POLA1: variants seen among roughly 807,000 people sequenced by gnomAD.
The protein encoded by POLA1 is DNA polymerase alpha catalytic subunit.
POLA1 carries 15 observed loss-of-function variants against 124.0 expected under a neutral mutation model. That is an observed-to-expected ratio of 0.12 (90% confidence interval 0.08 to 0.19). POLA1 has a LOEUF of 0.19. POLA1 is among the 10% of genes least tolerant of loss of function. The probability of loss-of-function intolerance (pLI) is 1.00; values close to 1 mark genes in which losing one functional copy is unlikely to be tolerated. For missense variants in POLA1, 886 were observed against 1,103.4 expected (o/e 0.80, Z 2.79); for synonymous variants, 408 against 389.4 (o/e 1.05, Z -0.56).
At chrX:24,978,502 G>A (rs1352944898) in intron 36 of POLA1, among the ~76,000 whole-genome samples, 2 of 111,874 alleles carry the variant, frequency 1.8e-5, no homozygotes, top group South Asian at 3.8e-4. Context: ...GAATAAGTTT[G>A]CCAATAGTAA....
chrX:24,853,797 GTAT>G (rs2046600815), intron 34 of POLA1, among the ~76,000 whole-genome samples: 1 of 111,839 alleles, frequency 8.9e-6, no homozygotes, highest in African/African-American at 3.3e-5. Context: ...AGTAAAGATG[GTAT>G]TATTTGAACA....
intron 12 of POLA1, among the ~76,000 whole-genome samples, chrX:24,725,617 C>G (rs1277571976): frequency 8.9e-6 from 1 of 111,878 alleles, no homozygotes. Flanking sequence ...GCCAGATAGC[C>G]AACACTCAGT....
rs1418275059 is a variant in POLA1 at position 24,934,262 on chromosome X, A to G, written c.4261+3713A>G. ...AACCTTTGTTGTTGTTTATTCAGCA[A>G]CAGTAAAAACAATTTGTTTATATAT... On this transcript the variant is annotated intron_variant, in intron 36 of 36. Coordinates refer to ENST00000379068, the MANE Select transcript of POLA1 (RefSeq NM_001330360.2). Among the ~76,000 whole-genome samples the G allele has an allele frequency of 2.7e-5, 3 of 112,373 alleles. No individual in the cohort carries two copies. In the Admixed American group the frequency reaches 2.8e-4, roughly 11 times the overall value.
chrX:24,872,205 A>T (rs954080835), intron 34 of POLA1, among the ~76,000 whole-genome samples: 1 of 112,071 alleles, frequency 8.9e-6, no homozygotes, highest in African/African-American at 3.2e-5. Flanking sequence ...CCAAGAAACT[A>T]TCACAGACAA....
intron 35 of POLA1, among the ~76,000 whole-genome samples, chrX:24,895,996 C>T (rs1340447733): frequency 1.8e-5 from 2 of 111,884 alleles, no homozygotes; most frequent in East Asian, 2.8e-4. Context: ...AAATTTTCCA[C>T]ACTCCATTGA....
In POLA1 at chrX:24,876,508, G is replaced by GA. The variant is rs1267671605; in HGVS notation, c.4048-11489dup. Among the ~76,000 whole-genome samples the GA allele has an allele frequency of 4.6e-5, 5 of 108,943 alleles. No individual in the cohort carries two copies. In the South Asian group the frequency reaches 1.6e-3, roughly 35 times the overall value. 94.6% of individuals were successfully genotyped at this position (108,943 alleles called of 115,157 possible). ...GGCCTGGGGTGTCCAAAAGAGGCAGGAAAAAAAAATGACTGTAGCTCCCTG... is the reference window on the plus strand; with the variant it reads ...GGCCTGGGGTGTCCAAAAGAGGCAGGAAAAAAAAAATGACTGTAGCTCCCTG... On this transcript the variant is annotated intron_variant, in intron 34 of 36. Transcript: ENST00000379068.
chrX:24,958,086 A>G (rs1356507715), intron 36 of POLA1, among the ~76,000 whole-genome samples: 1 of 111,031 alleles, frequency 9.0e-6, no homozygotes, highest in East Asian at 2.8e-4. Flanking sequence ...TTTCTAATCC[A>G]TTTTTAAGAG....
intron 26 of POLA1, among the ~76,000 whole-genome samples, chrX:24,783,434 G>A (rs1355128007): frequency 8.9e-6 from 1 of 111,906 alleles, no homozygotes; most frequent in Non-Finnish European, 1.9e-5. Flanking sequence ...GTGTAGGTAT[G>A]CTGGTAACCA....
At chrX:24,711,053 G>C in intron 4 of POLA1, among the ~76,000 whole-genome samples, 1 of 111,706 alleles carries the variant, frequency 9.0e-6, no homozygotes, top group Non-Finnish European at 1.9e-5. Flanking sequence ...TGCGATTTGG[G>C]CTCACTGCAA....
At chrX:24,834,265 A>T (rs1299980050) in intron 32 of POLA1, among the ~76,000 whole-genome samples, 6 of 111,791 alleles carry the variant, frequency 5.4e-5, no homozygotes. Context: ...CAGGCTTTTT[A>T]TTCTGTCAAG....
At chrX:24,876,503 G>T (rs1357480912) in intron 34 of POLA1, among the ~76,000 whole-genome samples, 1 of 110,920 alleles carries the variant, frequency 9.0e-6, no homozygotes, top group Middle Eastern at 4.2e-3. Flanking sequence ...GTCCAAAAGA[G>T]GCAGGAAAAA....
intron 36 of POLA1, among the ~76,000 whole-genome samples, chrX:24,950,249 C>G (rs2048018756): frequency 8.9e-6 from 1 of 112,294 alleles, no homozygotes; most frequent in Non-Finnish European, 1.9e-5. Flanking sequence ...TCCACCGGAA[C>G]TCTTTGCAAT....
intron 36 of POLA1, among the ~76,000 whole-genome samples, chrX:24,934,253 T>C (rs2047820210): frequency 8.9e-6 from 1 of 112,500 alleles, no homozygotes; most frequent in Non-Finnish European, 1.9e-5. Context: ...TGTTGTTGTT[T>C]ATTCAGCAAC....
At position 24,812,858 on chromosome X, in the gene POLA1, T is replaced by C. The variant is rs1479930673; in HGVS notation, c.3291T>C (p.Thr1097=). The C allele has an allele frequency of 6.9e-6, 8 of 1,157,776 alleles. No individual in the cohort carries two copies. Among genetic ancestry groups the C allele is most frequent in the Non-Finnish European group, 9.4e-6 (8 of 850,334 alleles). Residue 1097 remains threonine (T), a synonymous_variant, in exon 29 of 37, where the codon ACT becomes ACC. Coordinates refer to ENST00000379068, the MANE Select transcript of POLA1 (RefSeq NM_001330360.2). ...RRDWCDLAKD[T]GNFVIGQILS... is the part of the protein sequence containing the mutation. Reference sequence around the variant, plus strand: ...ATTGGTGTGATCTTGCTAAAGACACTGGAAAGTGAGTTCAGCTTTCAGTTT... The same window carrying C: ...ATTGGTGTGATCTTGCTAAAGACACCGGAAAGTGAGTTCAGCTTTCAGTTT...
chrX:24,947,338 G>GC (rs2047978912), intron 36 of POLA1, among the ~76,000 whole-genome samples: 1 of 86,820 alleles, frequency 1.2e-5, no homozygotes, highest in African/African-American at 4.4e-5. Flanking sequence ...CGCAATCACG[G>GC]CTCACTGCAG....
intron 35 of POLA1, among the ~76,000 whole-genome samples, chrX:24,896,621 T>C (rs1360284768): frequency 2.7e-5 from 3 of 111,691 alleles, no homozygotes; most frequent in Admixed American, 9.5e-5. Flanking sequence ...TCCCTGGACA[T>C]TGAGGGTATC....
intron 26 of POLA1, among the ~76,000 whole-genome samples, chrX:24,750,230 G>GA (rs1305464997): frequency 7.2e-5 from 8 of 111,706 alleles, no homozygotes; most frequent in Non-Finnish European, 1.1e-4. Flanking sequence ...GTCTTTTTTA[G>GA]AAAAAAAGTT....
At position 24,888,026 on chromosome X, in the gene POLA1, G is replaced by A. The variant is rs1257027619; in HGVS notation, c.4068G>A (p.Glu1356=). 5 of 1,203,599 alleles carry A rather than the reference G, an allele frequency of 4.2e-6. No homozygotes were observed. The African/African-American group carries it at 5.3e-5, about 13-fold the overall frequency. The part of the protein sequence containing the change: ...KYYDGWLICE[E]PTCRNRTRHL... ...TCCAGGGCTGGTTGATATGTGAAGA[G>A]CCAACCTGTCGCAATCGAACTCGTC... Residue 1356 remains glutamate (E), a synonymous_variant, in exon 35 of 37, where the codon GAG becomes GAA. Transcript: ENST00000379068.
At chrX:24,830,911 C>G (rs945789896) in intron 32 of POLA1, among the ~76,000 whole-genome samples, 1 of 111,954 alleles carries the variant, frequency 8.9e-6, no homozygotes, top group South Asian at 3.8e-4. Context: ...AACCTTTCTT[C>G]GGGGTCAGTG....
Sources: gnomAD v4.1 joint callset for allele counts (sites outside exome capture counted in the v4.1 genomes callset) on GRCh38, gnomAD v4.1.1 for gene constraint, MANE v1.5 for transcripts, NCBI Gene and HGNC (gene_info 2026-07-23, HGNC 2026-07-21) for gene names.